PDE7B: variants seen among roughly 807,000 people sequenced by gnomAD.
The protein encoded by PDE7B is 3',5'-cyclic-AMP phosphodiesterase 7B.
In PDE7B, 29 loss-of-function variants were observed where a neutral mutation model predicts 56.2. The observed-to-expected ratio is 0.52, with a 90% CI of 0.38 to 0.70. PDE7B has a LOEUF of 0.70. Ranked by LOEUF, PDE7B falls within the 30% of genes least tolerant of loss-of-function variation. The probability of loss-of-function intolerance (pLI) is 0.00; values close to 1 mark genes in which losing one functional copy is unlikely to be tolerated. For synonymous variants in PDE7B, 197 were observed against 196.9 expected (o/e 1.00, Z 0.00); for missense variants, 490 against 565.0 (o/e 0.87, Z 1.35).
chr6:136,111,243 G>T (rs1777742282), intron 3 of PDE7B: 1 of 151,932 alleles, frequency 6.6e-6, no homozygotes, highest in Non-Finnish European at 1.5e-5. Flanking sequence ...TCCCTAAATA[G>T]ACTATCAGAT....
At position 136,179,808 on chromosome 6, in the gene PDE7B, A is replaced by G. The variant is rs546123113; in HGVS notation, c.948+667A>G. On this transcript the variant is annotated intron_variant, in intron 10 of 12. Coordinates refer to ENST00000308191, the MANE Select transcript of PDE7B (RefSeq NM_018945.4). ...TTCTATTTTCATCTGAGTCTTAAACATTTTTATCTGGTCTTATTTTTAGGC... is the reference window on the plus strand; with the variant it reads ...TTCTATTTTCATCTGAGTCTTAAACGTTTTTATCTGGTCTTATTTTTAGGC... Among the ~76,000 whole-genome samples, 49 of 152,272 alleles carry G rather than the reference A, an allele frequency of 3.2e-4. 1 individual carries two copies. The South Asian group carries it at 1.0e-2, about 31-fold the overall frequency.
intron 2 of PDE7B, among the ~76,000 whole-genome samples, chr6:135,994,157 T>C (rs1254497861): frequency 1.4e-5 from 2 of 143,342 alleles, no homozygotes; most frequent in Non-Finnish European, 3.0e-5. Context: ...TGTGTGTGTG[T>C]GTGTGTGTTT....
intron 2 of PDE7B, among the ~76,000 whole-genome samples, chr6:135,994,805 TTATTA>T (rs1289827517): frequency 1.2e-4 from 19 of 152,200 alleles, no homozygotes; most frequent in African/African-American, 4.6e-4. Context: ...ATGCTAAGAA[TTATTA>T]TATTAGCATG....
At chr6:135,961,277 G>A (rs1003982258) in intron 2 of PDE7B, among the ~76,000 whole-genome samples, 122 of 133,414 alleles carry the variant, frequency 9.1e-4, no homozygotes, top group African/African-American at 3.4e-3. Flanking sequence ...GTGTGTGTGT[G>A]TGTATGTGTG....
At chr6:135,993,630 A>G (rs1397699766) in intron 2 of PDE7B, among the ~76,000 whole-genome samples, 1 of 152,208 alleles carries the variant, frequency 6.6e-6, no homozygotes, top group Admixed American at 6.5e-5. Context: ...TGTAATTTCA[A>G]AGCAAGCCAG....
At chr6:135,884,348 T>C (rs1198287850) in intron 1 of PDE7B, among the ~76,000 whole-genome samples, 2 of 152,240 alleles carry the variant, frequency 1.3e-5, no homozygotes, top group African/African-American at 4.8e-5. Context: ...TGTGCAGTAC[T>C]TGGTATCACA....
chr6:135,906,325 A>G (rs779700491), intron 1 of PDE7B, among the ~76,000 whole-genome samples: 1 of 152,254 alleles, frequency 6.6e-6, no homozygotes, highest in Non-Finnish European at 1.5e-5. Flanking sequence ...AAAACAAGCA[A>G]AATCTTTACC....
intron 2 of PDE7B, among the ~76,000 whole-genome samples, chr6:136,011,935 G>C (rs1368070989): frequency 6.6e-6 from 1 of 152,124 alleles, no homozygotes; most frequent in Non-Finnish European, 1.5e-5. Context: ...ATCTCCCCTG[G>C]GTGAAACTTG....
At chr6:136,188,371 A>C (rs1473012030) in intron 12 of PDE7B, among the ~76,000 whole-genome samples, 1 of 152,150 alleles carries the variant, frequency 6.6e-6, no homozygotes, top group Non-Finnish European at 1.5e-5. Context: ...GAAAAAATAC[A>C]ACCCAGAAAA....
In PDE7B at chr6:135,968,231, C is replaced by G. The variant is rs142562597; in HGVS notation, c.82+20707C>G. 2.7e-3 allele frequency among the ~76,000 whole-genome samples: 414 copies of G among 152,190 alleles called. 1 individual carries two copies. The highest frequency in any genetic ancestry group is 9.3e-3 in the African/African-American group (385 of 41,516). On this transcript the variant is annotated intron_variant, in intron 2 of 12. Coordinates refer to ENST00000308191, the MANE Select transcript of PDE7B (RefSeq NM_018945.4). ...AGAAGAAAGTCTAGGCAATACCATT[C>G]AGGACATAGGCACGGGCAAAGATTT... is the stretch of plus-strand genomic sequence containing the variant.
chr6:136,149,130 T>C lies in PDE7B; in HGVS notation c.362T>C (p.Leu121Ser). The change falls in exon 5 of 13, where the codon TTG becomes TCG. Residue 121 changes from leucine (L) to serine (S), a missense_variant. By Grantham distance (145) the Leu-to-Ser change is moderately radical (BLOSUM62 -2). Coordinates refer to ENST00000308191, the MANE Select transcript of PDE7B (RefSeq NM_018945.4). The part of the protein sequence containing the change: ...KVGMWDFDIF[L>S]FDRLTNGNSL... ...GGAATGTGGGATTTTGACATTTTCT[T>C]GTTTGATCGCTTGACAAATGGTAAG... 1 of 1,611,956 alleles carries C rather than the reference T, an allele frequency of 6.2e-7. No individual in the cohort carries two copies. Among genetic ancestry groups the C allele is most frequent in the Non-Finnish European group, 8.5e-7 (1 of 1,178,076 alleles).
At chr6:136,127,259 T>A (rs1457365378) in intron 3 of PDE7B, among the ~76,000 whole-genome samples, 1 of 152,144 alleles carries the variant, frequency 6.6e-6, no homozygotes, top group Non-Finnish European at 1.5e-5. Context: ...GTTCTGGCCA[T>A]TTCTATCATT....
chr6:136,140,030 C>T (rs1407104750), intron 3 of PDE7B, among the ~76,000 whole-genome samples: 1 of 152,186 alleles, frequency 6.6e-6, no homozygotes, highest in Non-Finnish European at 1.5e-5. Flanking sequence ...GTGTTTTAGA[C>T]ATGAAGTTCT....
intron 2 of PDE7B, chr6:136,047,546 T>C (rs1027364606): frequency 2.6e-5 from 4 of 152,218 alleles, no homozygotes; most frequent in African/African-American, 9.6e-5. Context: ...AATTTTGTTT[T>C]GAAAAATTTT....
At chr6:136,146,387 A>T (rs111950938) in intron 3 of PDE7B, among the ~76,000 whole-genome samples, 8 of 152,240 alleles carry the variant, frequency 5.3e-5, no homozygotes, top group African/African-American at 1.9e-4. Flanking sequence ...CTGTGATGTC[A>T]ACACTCAAGT....
chr6:136,139,334 G>A (rs1307882436), intron 3 of PDE7B, among the ~76,000 whole-genome samples: 2 of 152,192 alleles, frequency 1.3e-5, no homozygotes, highest in African/African-American at 2.4e-5. Flanking sequence ...ATTCCGTGGT[G>A]TATATGTGCC....
chr6:135,959,829 A>G (rs570475290), intron 2 of PDE7B, among the ~76,000 whole-genome samples: 30 of 152,216 alleles, frequency 2.0e-4, no homozygotes, highest in African/African-American at 7.2e-4. Flanking sequence ...GCTGAAGTGC[A>G]GTGGTGTGAT....
rs548759659 is a variant in PDE7B, at chr6:136,191,878, G to A, written c.*38G>A. On this transcript the variant is annotated 3_prime_UTR_variant, in exon 13 of 13. Transcript: ENST00000308191. ...CTTAGACGCGGCTCTCCTCCGGCAGGGCCCCCAGAGGGCAGAAGCAGCGTG... is the reference window on the plus strand; with the variant it reads ...CTTAGACGCGGCTCTCCTCCGGCAGAGCCCCCAGAGGGCAGAAGCAGCGTG... 7 of 1,478,370 alleles carry A rather than the reference G, an allele frequency of 4.7e-6. No individual in the cohort carries two copies. In the South Asian group the frequency reaches 7.3e-5, roughly 15 times the overall value. 91.6% of individuals were successfully genotyped at this position (1,478,370 alleles called of 1,614,324 possible).
intron 2 of PDE7B, among the ~76,000 whole-genome samples, chr6:136,027,135 C>A (rs1776166183): frequency 6.6e-6 from 1 of 152,146 alleles, no homozygotes; most frequent in African/African-American, 2.4e-5. Context: ...TGCTGGTGCC[C>A]CAACCTCAAA....
Sources: allele counts gnomAD v4.1 joint callset (sites outside exome capture counted in the v4.1 genomes callset), GRCh38; gene constraint gnomAD v4.1.1; transcripts MANE v1.5; gene names NCBI Gene and HGNC (gene_info 2026-07-23, HGNC 2026-07-21).